ADAMTSL1: variants seen among roughly 807,000 people sequenced by gnomAD.
ADAMTSL1 encodes the protein ADAMTS like 1.
ADAMTSL1 carries 126 observed loss-of-function variants against 201.8 expected under a neutral mutation model. The ratio of observed to expected loss-of-function variants is 0.62; its 90% CI spans 0.54 to 0.72. The LOEUF is 0.72. Among genes scored for constraint, ADAMTSL1 ranks in the 30% least tolerant of loss-of-function variants. The pLI, the probability that ADAMTSL1 is intolerant of heterozygous loss-of-function variation, is 0.00. For missense variants in ADAMTSL1, 2,679 were observed against 2,277.8 expected, an observed-to-expected ratio of 1.18 and a Z score of -3.59; for synonymous variants, 1,121 against 903.4, an observed-to-expected ratio of 1.24 and a Z score of -4.32.
rs376466829 is a variant in ADAMTSL1 at position 18,503,421 on chromosome 9, G to GTGTATATATATATATATA, written c.64-1407_64-1406insGTATATATATATATATAT. On this transcript the variant is annotated intron_variant, in intron 1 of 28. Coordinates refer to ENST00000380548, the MANE Select transcript of ADAMTSL1 (RefSeq NM_001040272.6). ...TTAAGGCTGAATAGTATTCCATTGT[G>GTGTATATATATATATATA]TATATATATATATATATATACCACA... 2.3e-3 allele frequency among the ~76,000 whole-genome samples: 270 copies of GTGTATATATATATATATA among 115,262 alleles called. 18 individuals carry two copies. Among genetic ancestry groups the GTGTATATATATATATATA allele is most frequent in the South Asian group, 3.7e-3 (12 of 3,234 alleles). 75.6% of individuals were successfully genotyped at this position (115,262 alleles called of 152,430 possible). A position where few individuals can be genotyped will look rare whatever the true frequency, so the allele number is the denominator to read the frequency against.
At chr9:18,573,118 A>C (rs1423119185) in intron 3 of ADAMTSL1, among the ~76,000 whole-genome samples, 1 of 152,130 alleles carries the variant, frequency 6.6e-6, no homozygotes, top group Admixed American at 6.5e-5. Context: ...AAAGATTCTT[A>C]TTTTCCACTG....
chr9:18,407,410 A>G (rs1818252662), intron 2 of ADAMTSL1, among the ~76,000 whole-genome samples: 1 of 152,240 alleles, frequency 6.6e-6, no homozygotes, highest in South Asian at 2.1e-4. Flanking sequence ...AATTCTCATC[A>G]TAGAAGAAGC....
intron 2 of ADAMTSL1, among the ~76,000 whole-genome samples, chr9:18,522,454 A>G (rs1818755894): frequency 6.6e-6 from 1 of 152,026 alleles, no homozygotes; most frequent in Non-Finnish European, 1.5e-5. Context: ...ATTTTATTTT[A>G]TTATACTTTA....
chr9:18,087,619 G>A (rs570008452), intron 1 of ADAMTSL1, among the ~76,000 whole-genome samples: 1 of 152,112 alleles, frequency 6.6e-6, no homozygotes, highest in Non-Finnish European at 1.5e-5. Flanking sequence ...TAGTAGACAT[G>A]TTTGAGTATA....
intron 1 of ADAMTSL1, among the ~76,000 whole-genome samples, chr9:18,106,533 T>C (rs1204587538): frequency 1.3e-5 from 2 of 152,200 alleles, no homozygotes; most frequent in African/African-American, 4.8e-5. Flanking sequence ...CATACTATTG[T>C]GAATCTTGTA....
chr9:18,211,657 G>A (rs16936441), intron 2 of ADAMTSL1, among the ~76,000 whole-genome samples: 26,120 of 152,008 alleles, frequency 0.17, 2,358 homozygotes, highest in East Asian at 0.25. Context: ...GCAAAAATGT[G>A]GCAATCCCTT....
At chr9:18,737,021 A>T (rs1330778867) in intron 15 of ADAMTSL1, among the ~76,000 whole-genome samples, 1 of 152,168 alleles carries the variant, frequency 6.6e-6, no homozygotes, top group Non-Finnish European at 1.5e-5. Flanking sequence ...AAGGCCAATT[A>T]AAAAGGTGAA....
chr9:18,129,024 C>A (rs2131956357), intron 1 of ADAMTSL1, among the ~76,000 whole-genome samples: 1 of 152,280 alleles, frequency 6.6e-6, no homozygotes, highest in East Asian at 1.9e-4. Flanking sequence ...ATGTCTCCCC[C>A]ACTTTTCCAA....
At chr9:18,662,153 T>C in intron 9 of ADAMTSL1, 80 bp downstream of exon 9, 1 of 1,509,574 alleles carries the variant, frequency 6.6e-7, no homozygotes, top group Admixed American at 2.0e-5. Flanking sequence ...ATGAAACGTT[T>C]TAATTAAAAA....
At chr9:18,564,568 A>G (rs1416168101) in intron 3 of ADAMTSL1, among the ~76,000 whole-genome samples, 2 of 152,314 alleles carry the variant, frequency 1.3e-5, no homozygotes, top group Middle Eastern at 3.4e-3. Context: ...GCTCTCCTAT[A>G]CTAGTCCTTT....
In ADAMTSL1 at chr9:18,684,795, G is replaced by A; in HGVS notation, c.1569G>A (p.Glu523=). Residue 523 remains glutamate, a synonymous_variant, in exon 13 of 29, where the codon GAG becomes GAA. Transcript: ENST00000380548. Reference sequence around the variant, plus strand: ...AAGAAGGAGCTGCTGTGTCAGAGGAGCCCTCGTAAGTTGTAAAAGCACAGA... The same window carrying A: ...AAGAAGGAGCTGCTGTGTCAGAGGAACCCTCGTAAGTTGTAAAAGCACAGA... ...ELEEGAAVSE[E]PSFIPEAWSA... 6.2e-7 allele frequency: 1 copy of A among 1,610,414 alleles called. No homozygotes were observed. Among genetic ancestry groups the A allele is most frequent in the Non-Finnish European group, 8.5e-7 (1 of 1,178,598 alleles).
chr9:18,034,818 T>G (rs1188269816), intron 1 of ADAMTSL1, among the ~76,000 whole-genome samples: 1 of 152,198 alleles, frequency 6.6e-6, no homozygotes, highest in African/African-American at 2.4e-5. Flanking sequence ...CCTAAAAAAC[T>G]TTTAGTCTTA....
intron 23 of ADAMTSL1, among the ~76,000 whole-genome samples, chr9:18,841,137 AGTT>A (rs1256591895): frequency 6.6e-6 from 1 of 151,594 alleles, no homozygotes; most frequent in Non-Finnish European, 1.5e-5. Context: ...GAATGCTTCC[AGTT>A]TTTGCCCATT....
chr9:18,316,936 A>G (rs994664008), intron 2 of ADAMTSL1, among the ~76,000 whole-genome samples: 4 of 152,150 alleles, frequency 2.6e-5, no homozygotes, highest in Admixed American at 2.6e-4. Flanking sequence ...CTCCATATTT[A>G]TTGCAGCGTT....
At chr9:18,856,656 T>A (rs1252271644) in intron 23 of ADAMTSL1, among the ~76,000 whole-genome samples, 1 of 151,938 alleles carries the variant, frequency 6.6e-6, no homozygotes, top group Non-Finnish European at 1.5e-5. Flanking sequence ...CAGGGTTTCA[T>A]CGTGTTGGCC....
At chr9:18,051,707 C>A (rs2131668698) in intron 1 of ADAMTSL1, among the ~76,000 whole-genome samples, 1 of 152,226 alleles carries the variant, frequency 6.6e-6, no homozygotes, top group Non-Finnish European at 1.5e-5. Flanking sequence ...AGAAGAAGCT[C>A]CTGTTATGAA....
Position 18,280,873 on chromosome 9 carries a change from C to CTT in ADAMTSL1, c.207+116908_207+116909dup, listed in dbSNP as rs138455491. 5.9e-3 allele frequency among the ~76,000 whole-genome samples: 777 copies of CTT among 131,808 alleles called. 26 individuals carry two copies. The highest frequency in any genetic ancestry group is 0.015 in the African/African-American group (523 of 35,106). The allele number at this position is 131,808 out of a possible 152,430, so 86.5% of individuals were successfully genotyped here. A position where few individuals can be genotyped will look rare whatever the true frequency, so the allele number is the denominator to read the frequency against. ...TAGTTACTGCTTTAGCTGCATTCCG[C>CTT]TTTTTTTTTTTTTTTTTCCTGAGAC... On this transcript the variant is annotated intron_variant, in intron 2 of 29. Coordinates refer to the ADAMTSL1 transcript ENST00000680146.
intron 2 of ADAMTSL1, among the ~76,000 whole-genome samples, chr9:18,514,625 C>T (rs1487138401): frequency 5.3e-5 from 8 of 152,150 alleles, no homozygotes; most frequent in African/African-American, 1.7e-4. Flanking sequence ...CCACCACGCC[C>T]AGCCTGATTT....
chr9:18,321,618 C>G (rs572630442), intron 2 of ADAMTSL1, among the ~76,000 whole-genome samples: 1 of 151,918 alleles, frequency 6.6e-6, no homozygotes, highest in East Asian at 1.9e-4. Context: ...ACAGTGAAAC[C>G]ACATCTCTAC....
Sources: gnomAD v4.1 joint callset for allele counts (sites outside exome capture counted in the v4.1 genomes callset) on GRCh38, gnomAD v4.1.1 for gene constraint, MANE v1.5 for transcripts, NCBI Gene and HGNC (gene_info 2026-07-23, HGNC 2026-07-21) for gene names.